ZNF407: variants seen among roughly 807,000 people sequenced by gnomAD.
The protein encoded by ZNF407 is zinc finger protein 407.
Under a neutral mutation model 131.2 loss-of-function variants are expected in ZNF407, and 17 were observed. The observed-to-expected ratio is 0.13, with a 90% CI of 0.09 to 0.19. The LOEUF (loss-of-function observed/expected upper bound fraction) is 0.19, where lower values mean the gene tolerates loss of function less well. ZNF407 is among the 10% of genes least tolerant of loss of function. ZNF407 has a pLI of 1.00. For synonymous variants in ZNF407, 1,156 were observed against 1,062.0 expected, an observed-to-expected ratio of 1.09 and a Z score of -1.72; for missense variants, 2,681 against 2,830.6, an observed-to-expected ratio of 0.95 and a Z score of 1.20.
intron 4 of ZNF407, among the ~76,000 whole-genome samples, chr18:74,819,615 C>T (rs941350192): frequency 2.6e-5 from 4 of 152,120 alleles, no homozygotes; most frequent in African/African-American, 7.2e-5. Context: ...ATTCCTAGGA[C>T]GGGACCTGTG....
intron 4 of ZNF407, among the ~76,000 whole-genome samples, chr18:74,852,485 T>C (rs1343295613): frequency 3.9e-5 from 6 of 151,990 alleles, no homozygotes; most frequent in Admixed American, 2.6e-4. Context: ...CTATATAATA[T>C]AAATTTTTAT....
intron 3 of ZNF407, among the ~76,000 whole-genome samples, chr18:74,661,150 T>C (rs1225528550): frequency 6.6e-6 from 1 of 152,120 alleles, no homozygotes; most frequent in African/African-American, 2.4e-5. Flanking sequence ...TCCCTTTCCA[T>C]GTAGTACAAC....
chr18:74,972,235 C>G (rs969893311), intron 8 of ZNF407, among the ~76,000 whole-genome samples: 1 of 152,220 alleles, frequency 6.6e-6, no homozygotes, highest in Non-Finnish European at 1.5e-5. Flanking sequence ...CCCTTCTCCT[C>G]CACCTCCTTC....
intron 8 of ZNF407, among the ~76,000 whole-genome samples, chr18:75,036,340 A>C (rs192818329): frequency 9.9e-4 from 150 of 152,138 alleles, no homozygotes; most frequent in Non-Finnish European, 1.6e-3. Flanking sequence ...TTAGGGATGG[A>C]GGGAAGTGTG....
At chr18:74,770,110 A>G (rs1969330051) in intron 3 of ZNF407, among the ~76,000 whole-genome samples, 1 of 152,196 alleles carries the variant, frequency 6.6e-6, no homozygotes, top group African/African-American at 2.4e-5. Context: ...GCATACAACA[A>G]AACTTGGAAG....
intron 3 of ZNF407, among the ~76,000 whole-genome samples, chr18:74,697,490 T>G (rs6566088): frequency 0.025 from 3,754 of 152,284 alleles, 168 homozygotes; most frequent in African/African-American, 0.086. Flanking sequence ...GTCTCTGAGC[T>G]TAAATTATTT....
At chr18:74,688,706 G>A (rs1967151838) in intron 3 of ZNF407, among the ~76,000 whole-genome samples, 1 of 152,164 alleles carries the variant, frequency 6.6e-6, no homozygotes, top group Admixed American at 6.5e-5. Context: ...AAAATGTTGT[G>A]TGAAGAATGG....
At chr18:74,753,696 G>A (rs1968860580) in intron 3 of ZNF407, among the ~76,000 whole-genome samples, 1 of 152,218 alleles carries the variant, frequency 6.6e-6, no homozygotes, top group Admixed American at 6.5e-5. Flanking sequence ...GCATCCCAGG[G>A]ATGAAGCCAA....
intron 3 of ZNF407, among the ~76,000 whole-genome samples, chr18:74,757,257 A>G (rs1173229639): frequency 3.3e-5 from 5 of 151,506 alleles, no homozygotes; most frequent in Non-Finnish European, 5.9e-5. Context: ...AAGAATGGAG[A>G]CTTTCTTTTT....
chr18:74,816,270 T>A (rs1044901911), intron 4 of ZNF407, among the ~76,000 whole-genome samples: 8 of 152,218 alleles, frequency 5.3e-5, no homozygotes, highest in African/African-American at 1.7e-4. Context: ...CCCCTCTGGT[T>A]CATTTTCTGA....
At chr18:74,824,245 C>A (rs1399741649) in intron 4 of ZNF407, among the ~76,000 whole-genome samples, 1 of 151,972 alleles carries the variant, frequency 6.6e-6, no homozygotes, top group African/African-American at 2.4e-5. Context: ...TACTAAATGC[C>A]CACAAGAGAA....
intron 8 of ZNF407, among the ~76,000 whole-genome samples, chr18:74,925,631 C>A (rs1046354791): frequency 2.0e-5 from 3 of 152,178 alleles, no homozygotes; most frequent in African/African-American, 7.2e-5. Flanking sequence ...TTGCTTTCAC[C>A]CCCTTTTGTT....
intron 6 of ZNF407, among the ~76,000 whole-genome samples, chr18:74,883,075 G>A (rs918413377): frequency 6.6e-6 from 1 of 152,158 alleles, no homozygotes; most frequent in South Asian, 2.1e-4. Flanking sequence ...CCTGCACTGA[G>A]CTGGCACAAC....
At chr18:74,752,789 A>G (rs560219428) in intron 3 of ZNF407, among the ~76,000 whole-genome samples, 1 of 152,268 alleles carries the variant, frequency 6.6e-6, no homozygotes, top group South Asian at 2.1e-4. Flanking sequence ...CTTGTAATAT[A>G]GTTTGAAGCT....
At chr18:74,953,372 A>G (rs1240112578) in intron 8 of ZNF407, among the ~76,000 whole-genome samples, 2 of 152,054 alleles carry the variant, frequency 1.3e-5, no homozygotes, top group Admixed American at 1.3e-4. Context: ...TAATGTGTAG[A>G]TTTTGTTATC....
chr18:74,879,014 A>T (rs1271615217), intron 5 of ZNF407, among the ~76,000 whole-genome samples: 1 of 152,180 alleles, frequency 6.6e-6, no homozygotes, highest in Admixed American at 6.5e-5. Context: ...CACATAAAAA[A>T]ATCAAAGTCA....
chr18:74,755,865 C>CTCTT (rs369311421), intron 3 of ZNF407, among the ~76,000 whole-genome samples: 26 of 112,718 alleles, frequency 2.3e-4, no homozygotes, highest in African/African-American at 7.5e-4. Flanking sequence ...TCCTCCCTTC[C>CTCTT]TTCCTTCCTC....
chr18:74,871,124 G>A (rs909607584), intron 4 of ZNF407, among the ~76,000 whole-genome samples: 14 of 152,230 alleles, frequency 9.2e-5, no homozygotes, highest in African/African-American at 3.4e-4. Context: ...AGCACACGGC[G>A]CTCCTGTGAG....
intron 7 of ZNF407, among the ~76,000 whole-genome samples, chr18:74,891,606 G>C (rs1971385895): frequency 6.6e-6 from 1 of 152,086 alleles, no homozygotes; most frequent in African/African-American, 2.4e-5. Context: ...GCTTAACACT[G>C]GATTGGTGTT....
Sources: gnomAD v4.1 joint callset for allele counts (sites outside exome capture counted in the v4.1 genomes callset) on GRCh38, gnomAD v4.1.1 for gene constraint, MANE v1.5 for transcripts, NCBI Gene and HGNC (gene_info 2026-07-23, HGNC 2026-07-21) for gene names.